B4GALT6: variants seen among roughly 807,000 people sequenced by gnomAD.
The protein encoded by B4GALT6 is UDP-Gal:beta-GlcNAc beta-1,4-galactosyltransferase 6.
In B4GALT6, 14 loss-of-function variants were observed where a neutral mutation model predicts 46.3. The observed-to-expected ratio is 0.30, with a 90% CI of 0.20 to 0.47. The LOEUF (loss-of-function observed/expected upper bound fraction) is 0.47. Among genes scored for constraint, B4GALT6 ranks in the 20% least tolerant of loss-of-function variants. The pLI is 0.99. For missense variants in B4GALT6, 386 were observed against 480.1 expected, an observed-to-expected ratio of 0.80 and a Z score of 1.83; for synonymous variants, 168 against 162.0, an observed-to-expected ratio of 1.04 and a Z score of -0.28.
the B4GALT6 span, among the ~76,000 whole-genome samples, chr18:31,692,382 G>T: frequency 2.6e-5 from 4 of 152,288 alleles, no homozygotes; most frequent in African/African-American, 9.6e-5. Flanking sequence ...TAGTCAACCC[G>T]ATTTTACTGT....
At chr18:31,660,898 A>G (rs973919702) in intron 2 of B4GALT6, among the ~76,000 whole-genome samples, 2 of 152,166 alleles carry the variant, frequency 1.3e-5, no homozygotes, top group South Asian at 2.1e-4. Context: ...GTCTCCAGAA[A>G]AAACTGGTCC....
At chr18:31,641,947 T>C (rs748442187) in intron 4 of B4GALT6, among the ~76,000 whole-genome samples, 1 of 152,206 alleles carries the variant, frequency 6.6e-6, no homozygotes, top group Non-Finnish European at 1.5e-5. Flanking sequence ...CTAAATGACA[T>C]GGCTTTAGGC....
chr18:31,686,579 G>C (rs1259921769), upstream of B4GALT6: 3 of 152,184 alleles, frequency 2.0e-5, no homozygotes, highest in Non-Finnish European at 4.4e-5. Context: ...TTGCTTGTTG[G>C]AGTACTCACA....
rs997117531 is a variant in B4GALT6, at chr18:31,626,437, G to T, written c.900-53C>A. On this transcript the variant is annotated intron_variant, in intron 7 of 8. Coordinates refer to ENST00000306851, the MANE Select transcript of B4GALT6 (RefSeq NM_004775.5). ...TATAGAGAAATAAAATATGAAAATGGGTTATGTGAGTTCAATTTTAAAACA... is the reference window on the plus strand; with the variant it reads ...TATAGAGAAATAAAATATGAAAATGTGTTATGTGAGTTCAATTTTAAAACA... 2.0e-5 allele frequency: 20 copies of T among 1,023,342 alleles called. No homozygotes were observed. The East Asian group carries it at 4.0e-4, about 20-fold the overall frequency. 63.4% of individuals were successfully genotyped at this position (1,023,342 alleles called of 1,614,324 possible). A position where few individuals can be genotyped will look rare whatever the true frequency, so the allele number is the denominator to read the frequency against.
chr18:31,721,735 C>T, the B4GALT6 span, among the ~76,000 whole-genome samples: 1,401 of 152,322 alleles, frequency 9.2e-3, 24 homozygotes, highest in African/African-American at 0.032. Context: ...GCCTGCTAGC[C>T]TGCCCTACAA....
At chr18:31,720,169 A>G in the B4GALT6 span, among the ~76,000 whole-genome samples, 1 of 152,246 alleles carries the variant, frequency 6.6e-6, no homozygotes, top group Non-Finnish European at 1.5e-5. Flanking sequence ...AAAGGTTAGA[A>G]GCAAGATGGA....
In B4GALT6 at chr18:31,624,241, T is replaced by A. The variant is rs1336476486; in HGVS notation, c.*1373A>T. 6.6e-6 allele frequency: 1 copy of A among 151,942 alleles called. No homozygotes were observed. The highest frequency in any genetic ancestry group is 1.5e-5 in the Non-Finnish European group (1 of 67,866). 9.4% of individuals were successfully genotyped at this position (151,942 alleles called of 1,614,324 possible). A position where few individuals can be genotyped will look rare whatever the true frequency, so the allele number is the denominator to read the frequency against. Reference sequence around the variant, plus strand: ...TTATGGCATCAGTGCACCAAATAACTCATCACGTATTTTAAGACAATGCTA... The same window carrying A: ...TTATGGCATCAGTGCACCAAATAACACATCACGTATTTTAAGACAATGCTA... On this transcript the variant is annotated 3_prime_UTR_variant, in exon 9 of 9. Coordinates refer to ENST00000306851, the MANE Select transcript of B4GALT6 (RefSeq NM_004775.5).
chr18:31,670,939 C>T lies in B4GALT6; in HGVS notation c.116-4567G>A, dbSNP rs182694694. ...CCGAGAGGCCCCAGTGTGTGATGTT[C>T]CCCACCCTGTGTCCATGTGTTCTCA... On this transcript the variant is annotated intron_variant, in intron 1 of 8. Coordinates refer to ENST00000306851, the MANE Select transcript of B4GALT6 (RefSeq NM_004775.5). 3.4e-3 allele frequency among the ~76,000 whole-genome samples: 514 copies of T among 151,978 alleles called. 4 individuals carry two copies. Among genetic ancestry groups the T allele is most frequent in the African/African-American group, 0.012 (487 of 41,430 alleles).
intron 2 of B4GALT6, chr18:31,658,338 CTTG>C: frequency 3.3e-6 from 1 of 304,776 alleles, no homozygotes; most frequent in Non-Finnish European, 6.2e-6. Context: ...GGCAGTCCCA[CTTG>C]CAACCATGTG....
the B4GALT6 span, among the ~76,000 whole-genome samples, chr18:31,691,710 T>C: frequency 2.0e-5 from 3 of 152,160 alleles, no homozygotes; most frequent in African/African-American, 7.2e-5. Context: ...TAAGCTTTAA[T>C]GGGTTAATAA....
chr18:31,706,572 A>G, the B4GALT6 span, among the ~76,000 whole-genome samples: 3 of 152,166 alleles, frequency 2.0e-5, no homozygotes, highest in East Asian at 5.8e-4. Context: ...TGGAGGCTGT[A>G]GTGAGCTGAG....
the B4GALT6 span, among the ~76,000 whole-genome samples, chr18:31,699,429 C>T: frequency 2.0e-5 from 3 of 151,834 alleles, no homozygotes; most frequent in Admixed American, 6.6e-5. Flanking sequence ...CACGCCACCA[C>T]GCCTGGCTAA....
chr18:31,705,057 TA>T, the B4GALT6 span, among the ~76,000 whole-genome samples: 4 of 152,138 alleles, frequency 2.6e-5, no homozygotes, highest in Admixed American at 6.5e-5. Context: ...AGTCAGGTAA[TA>T]AATATGAAAC....
chr18:31,633,224 C>T (rs748424791), intron 5 of B4GALT6, among the ~76,000 whole-genome samples: 2 of 152,090 alleles, frequency 1.3e-5, no homozygotes, highest in Non-Finnish European at 2.9e-5. Context: ...TATCCCTCAT[C>T]CTTTGCCTAT....
intron 3 of B4GALT6, among the ~76,000 whole-genome samples, chr18:31,648,624 C>T (rs1227491372): frequency 6.6e-6 from 1 of 152,154 alleles, no homozygotes; most frequent in Non-Finnish European, 1.5e-5. Context: ...CAATGCTGCC[C>T]ATCTGGGAAA....
intron 4 of B4GALT6, among the ~76,000 whole-genome samples, chr18:31,641,434 C>G (rs2073929786): frequency 6.6e-6 from 1 of 152,162 alleles, no homozygotes; most frequent in Non-Finnish European, 1.5e-5. Flanking sequence ...TAAGGCAAAG[C>G]TTTTATTAAA....
In B4GALT6 at chr18:31,627,243, G is replaced by A. The variant is rs2144482668; in HGVS notation, c.777-122C>T. 4.2e-6 allele frequency: 3 copies of A among 709,092 alleles called. No individual in the cohort carries two copies. In the East Asian group the frequency reaches 9.3e-5, roughly 22 times the overall value. 43.9% of individuals were successfully genotyped at this position (709,092 alleles called of 1,614,324 possible). A position where few individuals can be genotyped will look rare whatever the true frequency, so the allele number is the denominator to read the frequency against. On this transcript the variant is annotated intron_variant, in intron 6 of 8. Transcript: ENST00000306851. ...CCTTATATTCTATATAGACAATTAT[G>A]TTAGAAAATGTAAAGTACACCAAGA...
chr18:31,721,614 T>C, the B4GALT6 span, among the ~76,000 whole-genome samples: 1 of 152,230 alleles, frequency 6.6e-6, no homozygotes, highest in African/African-American at 2.4e-5. Flanking sequence ...CTTGATAATG[T>C]CGATAGGTCT....
chr18:31,651,046 G>A (rs187265746), intron 3 of B4GALT6, among the ~76,000 whole-genome samples: 54 of 152,274 alleles, frequency 3.5e-4, no homozygotes, highest in African/African-American at 1.2e-3. Context: ...GATTACAGGC[G>A]TGAGCCACCG....
Sources: allele counts gnomAD v4.1 joint callset (sites outside exome capture counted in the v4.1 genomes callset), GRCh38; gene constraint gnomAD v4.1.1; transcripts MANE v1.5; gene names NCBI Gene and HGNC (gene_info 2026-07-23, HGNC 2026-07-21).